The following GPHN variants were observed in gnomAD, a reference collection of about 807,000 sequenced individuals.
The protein encoded by GPHN is gephyrin.
Under a neutral mutation model 95.5 loss-of-function variants are expected in GPHN, and 17 were observed. The observed-to-expected ratio is 0.18, with a 90% confidence interval of 0.12 to 0.27. The LOEUF (loss-of-function observed/expected upper bound fraction) is 0.27, where lower values mean the gene tolerates loss of function less well. GPHN is among the 10% of genes least tolerant of loss of function. The pLI is 1.00. For missense variants in GPHN, 660 were observed against 978.1 expected (o/e 0.67, Z 4.34); for synonymous variants, 320 against 322.5 (o/e 0.99, Z 0.08).
chr14:67,420,660 CCT>C, the GPHN span, among the ~76,000 whole-genome samples: 1 of 152,130 alleles, frequency 6.6e-6, no homozygotes, highest in Non-Finnish European at 1.5e-5. Flanking sequence ...AAGTGAGGAA[CCT>C]AGTGTGCAAC....
At chr14:67,598,902 G>A in the GPHN span, among the ~76,000 whole-genome samples, 2 of 151,072 alleles carry the variant, frequency 1.3e-5, no homozygotes, top group African/African-American at 4.9e-5. Flanking sequence ...TAGAGACGTG[G>A]TTTCACCATG....
intron 4 of GPHN, among the ~76,000 whole-genome samples, chr14:66,856,931 A>C (rs1178777469): frequency 1.3e-5 from 2 of 152,172 alleles, no homozygotes; most frequent in Non-Finnish European, 2.9e-5. Context: ...AAGGATACAT[A>C]GTAAACTAGA....
In GPHN at chr14:66,984,252, CAG is replaced by C. The variant is rs1380445507; in HGVS notation, c.963+18929_963+18930del. The stretch of plus-strand genomic sequence containing the variant: ...AAAACAGCTTTTGATATAAAGACCT[CAG>C]AAATCAAAGAAAACAGCACAAGAGG... On this transcript the variant is annotated intron_variant, in intron 9 of 22. Transcript: ENST00000478722. 2.0e-5 allele frequency among the ~76,000 whole-genome samples: 3 copies of C among 152,104 alleles called. No individual in the cohort carries two copies. In the East Asian group the frequency reaches 5.8e-4, roughly 29 times the overall value.
At chr14:67,577,499 C>A in the GPHN span, 1 of 858,830 alleles carries the variant, frequency 1.2e-6, no homozygotes, top group South Asian at 1.4e-5. Context: ...GGACAACCCA[C>A]AGAGGGATCT....
the GPHN span, among the ~76,000 whole-genome samples, chr14:67,300,558 C>T: frequency 2.5e-4 from 38 of 152,046 alleles, no homozygotes; most frequent in East Asian, 5.6e-3. Flanking sequence ...GAACTCCTGA[C>T]CTCAAGTGAT....
intron 8 of GPHN, among the ~76,000 whole-genome samples, chr14:66,949,690 CAG>C (rs1052967508): frequency 3.2e-4 from 49 of 152,098 alleles, no homozygotes; most frequent in Admixed American, 3.0e-3. Flanking sequence ...ATTCAAATAA[CAG>C]AGAATTTCTA....
At chr14:66,873,907 G>A (rs1045266985) in intron 4 of GPHN, among the ~76,000 whole-genome samples, 2 of 152,208 alleles carry the variant, frequency 1.3e-5, no homozygotes, top group African/African-American at 4.8e-5. Flanking sequence ...GCTCTGCTAA[G>A]GGACAGACTG....
chr14:67,513,610 T>C, the GPHN span, among the ~76,000 whole-genome samples: 6 of 152,188 alleles, frequency 3.9e-5, no homozygotes, highest in African/African-American at 1.2e-4. Flanking sequence ...AGCACACCCC[T>C]GAGCAAAGTG....
the GPHN span, among the ~76,000 whole-genome samples, chr14:67,679,046 A>T: frequency 6.6e-6 from 1 of 152,218 alleles, no homozygotes; most frequent in East Asian, 1.9e-4. Flanking sequence ...GAGCATACAG[A>T]AACTGGCTTA....
chr14:66,966,472 T>C (rs1238327707), intron 9 of GPHN, among the ~76,000 whole-genome samples: 1 of 152,058 alleles, frequency 6.6e-6, no homozygotes, highest in African/African-American at 2.4e-5. Flanking sequence ...ATAAGAACAT[T>C]GTAGACATTA....
chr14:67,636,481 GA>G, the GPHN span, among the ~76,000 whole-genome samples: 1 of 152,208 alleles, frequency 6.6e-6, no homozygotes, highest in Admixed American at 6.5e-5. Flanking sequence ...TGTAGAGGCA[GA>G]CAATTATTAT....
At chr14:67,289,139 G>T in the GPHN span, among the ~76,000 whole-genome samples, 3 of 101,174 alleles carry the variant, frequency 3.0e-5, no homozygotes, top group South Asian at 8.6e-4. Context: ...GTTAATTTTT[G>T]CATTTTTTTG....
chr14:67,734,052 A>G, the GPHN span: 2 of 472,450 alleles, frequency 4.2e-6, no homozygotes, highest in Admixed American at 5.6e-5. Context: ...GTGGACACCT[A>G]TAGAGTGTTC....
In GPHN at chr14:66,684,748, CTT is replaced by C. The variant is rs61669892; in HGVS notation, c.143+3574_143+3575del. Among the ~76,000 whole-genome samples the C allele has an allele frequency of 3.4e-3, 493 of 146,454 alleles. 1 individual carries two copies. Among genetic ancestry groups the C allele is most frequent in the African/African-American group, 0.012 (478 of 40,514 alleles). On this transcript the variant is annotated intron_variant, in intron 2 of 22. Transcript: ENST00000478722. ...CTTTCTGGTCTTGCTACTAACTTTT[CTT>C]TTTTTTTTTTCTTCTTATACTTTAA...
intron 2 of GPHN, among the ~76,000 whole-genome samples, chr14:66,726,126 C>T (rs1179187671): frequency 6.6e-6 from 1 of 152,134 alleles, no homozygotes; most frequent in Non-Finnish European, 1.5e-5. Context: ...ACAAATAGTG[C>T]CAAAAAGTAA....
chr14:66,710,820 A>G (rs1199501332), intron 2 of GPHN, among the ~76,000 whole-genome samples: 1 of 152,152 alleles, frequency 6.6e-6, no homozygotes, highest in South Asian at 2.1e-4. Flanking sequence ...TCAAGATGCT[A>G]CCTACTTCTT....
the GPHN span, among the ~76,000 whole-genome samples, chr14:67,231,891 C>T: frequency 6.6e-6 from 1 of 151,646 alleles, no homozygotes; most frequent in East Asian, 1.9e-4. Flanking sequence ...ATTGCTTGAA[C>T]CTGGGAGGCA....
At chr14:67,360,396 G>C in the GPHN span, 3 of 395,456 alleles carry the variant, frequency 7.6e-6, no homozygotes, top group Non-Finnish European at 1.3e-5. Flanking sequence ...AGCAAGTCTG[G>C]TCTCTGTGAT....
At chr14:67,212,419 C>T in the GPHN span, among the ~76,000 whole-genome samples, 6 of 151,274 alleles carry the variant, frequency 4.0e-5, no homozygotes, top group African/African-American at 1.5e-4. Flanking sequence ...AAAACCCTGT[C>T]TCTACAAAAA....
Sources: gnomAD v4.1 joint callset for allele counts (sites outside exome capture counted in the v4.1 genomes callset) on GRCh38, gnomAD v4.1.1 for gene constraint, MANE v1.5 for transcripts, NCBI Gene and HGNC (gene_info 2026-07-23, HGNC 2026-07-21) for gene names.